TRMT44: variants seen among roughly 807,000 people sequenced by gnomAD.
The protein encoded by TRMT44 is tRNA methyltransferase 44 homolog, also known as probable tRNA (uracil-O(2)-)-methyltransferase.
A neutral mutation model predicts 77.3 loss-of-function variants in TRMT44; 78 were observed. That is an observed-to-expected ratio of 1.01 (90% CI 0.84 to 1.22). TRMT44 has a LOEUF of 1.22. Among genes scored for constraint, TRMT44 ranks in the 50% most tolerant of loss-of-function variants. TRMT44 has a pLI of 0.00. For synonymous variants in TRMT44, 391 were observed against 383.3 expected (o/e 1.02, Z -0.23); for missense variants, 1,090 against 964.4 (o/e 1.13, Z -1.73).
rs1391277656 is a variant in TRMT44, at chr4:8,475,949, G to A, written c.2222G>A (p.Gly741Glu). ...LSTDCCPFAHGPAELRPPRTT... is the reference protein window; with the variant it reads ...LSTDCCPFAHEPAELRPPRTT... ...ACGGACTGCTGCCCGTTTGCCCATG[G>A]GCCTGCGGAGCTGCGGCCACCCCGG... is the stretch of plus-strand genomic sequence containing the variant. Residue 741 changes from glycine (G) to glutamate (E), a missense_variant, in exon 11 of 11, where the codon GGG becomes GAG. Gly to Glu is a moderately conservative substitution (Grantham distance 98). Coordinates refer to ENST00000389737, the MANE Select transcript of TRMT44 (RefSeq NM_152544.3). The A allele has an allele frequency of 2.5e-6, 4 of 1,614,134 alleles. No individual in the cohort carries two copies. In the South Asian group the frequency reaches 3.3e-5, roughly 13 times the overall value.
At chr4:8,467,193 C>T (rs1198313897) in intron 8 of TRMT44, among the ~76,000 whole-genome samples, 3 of 152,218 alleles carry the variant, frequency 2.0e-5, no homozygotes, top group Non-Finnish European at 2.9e-5. Flanking sequence ...AAGGTGGGGA[C>T]AAAGCTGCCT....
rs1488104277 is a variant in TRMT44, at chr4:8,440,810, C to G, written c.-13C>G. 136 of 1,443,794 alleles carry G rather than the reference C, an allele frequency of 9.4e-5. No homozygotes were observed. The highest frequency in any genetic ancestry group is 1.2e-4 in the Non-Finnish European group (130 of 1,101,850). 89.4% of individuals were successfully genotyped at this position (1,443,794 alleles called of 1,614,324 possible). ...GGCGCGCCGCTGCCAGGGCTGTACA[C>G]CTGCTGGCTGCCATGGCTGAGGTGG... On this transcript the variant is annotated 5_prime_UTR_variant, in exon 1 of 11. Transcript: ENST00000389737.
At chr4:8,509,806 C>T in the TRMT44 span, 1 of 152,372 alleles carries the variant, frequency 6.6e-6, no homozygotes, top group African/African-American at 2.4e-5. Flanking sequence ...GGGGGTGAGC[C>T]ATGAGCGAGG....
At chr4:8,468,432 G>A in intron 9 of TRMT44, 86 bp downstream of exon 9, 1 of 1,367,606 alleles carries the variant, frequency 7.3e-7, no homozygotes, top group Non-Finnish European at 1.0e-6. Flanking sequence ...GACATGAAAT[G>A]GTGTGGCCCT....
the TRMT44 span, among the ~76,000 whole-genome samples, chr4:8,512,796 G>A: frequency 3.3e-5 from 5 of 152,134 alleles, no homozygotes; most frequent in African/African-American, 4.8e-5. Context: ...GCTCATCACC[G>A]AGTGTCTATG....
At chr4:8,445,741 C>T (rs919854108) in intron 1 of TRMT44, among the ~76,000 whole-genome samples, 1 of 152,236 alleles carries the variant, frequency 6.6e-6, no homozygotes, top group Non-Finnish European at 1.5e-5. Flanking sequence ...GCCTCTGCTT[C>T]CTTTTGGCAG....
chr4:8,468,874 G>A (rs945826339), intron 9 of TRMT44, among the ~76,000 whole-genome samples: 12 of 152,228 alleles, frequency 7.9e-5, no homozygotes, highest in African/African-American at 2.9e-4. Flanking sequence ...ACGGCATTCA[G>A]AGAGCCAGCC....
At position 8,446,550 on chromosome 4, in the gene TRMT44, A is replaced by G. The variant is rs894228972; in HGVS notation, c.694A>G (p.Asn232Asp). 2 of 1,536,310 alleles carry G rather than the reference A, an allele frequency of 1.3e-6. No individual in the cohort carries two copies. The highest frequency in any genetic ancestry group is 1.7e-6 in the Non-Finnish European group (2 of 1,146,882). Residue 232 changes from asparagine (N) to aspartate (D), a missense_variant, in exon 2 of 11, where the codon AAT becomes GAT. Asn to Asp is a conservative substitution (Grantham distance 23). Transcript: ENST00000389737. This position sits in a 1 kb window ranked among gnomAD's most constrained non-coding sequence, Gnocchi z 4.3. Reference sequence around the variant, plus strand: ...GGGGAACCTAAAGGTTAAGATGAGCAATGTGTATCAAATTCAGCTCAGTCA... The same window carrying G: ...GGGGAACCTAAAGGTTAAGATGAGCGATGTGTATCAAATTCAGCTCAGTCA... ...DEGNLKVKMS[N>D]VYQIQLSHSK... is the part of the protein sequence containing the mutation.
rs916197047 is a variant in TRMT44, at chr4:8,465,618, C to A, written c.1494+57C>A. 4.8e-6 allele frequency: 7 copies of A among 1,465,680 alleles called. No individual in the cohort carries two copies. In the African/African-American group the frequency reaches 9.8e-5, roughly 21 times the overall value. 90.8% of individuals were successfully genotyped at this position (1,465,680 alleles called of 1,614,324 possible). On this transcript the variant is annotated intron_variant, in intron 8 of 10. Coordinates refer to ENST00000389737, the MANE Select transcript of TRMT44 (RefSeq NM_152544.3). ...TGTGTCGGTGTTCAGATGGAGAGCTCAGGGCTCTGCCACAGAGCCATGAAC... is the reference window on the plus strand; with the variant it reads ...TGTGTCGGTGTTCAGATGGAGAGCTAAGGGCTCTGCCACAGAGCCATGAAC...
rs1560219233 is a variant in TRMT44, at chr4:8,446,476, A to G, written c.620A>G (p.Asp207Gly). ...GTCCTTCTTCTCTTTTTCTTTCCAG[A>G]TGTCCTCAATGGAACCATAACGTTT... Reference protein sequence around the residue: ...TTPRREIVVQDVLNGTITFLP... With the variant: ...TTPRREIVVQGVLNGTITFLP... The change falls in exon 2 of 11, where the codon GAT (aspartate) becomes GGT (glycine). Residue 207 changes from aspartate to glycine, a missense_variant and splice_region_variant. Coordinates refer to ENST00000389737, the MANE Select transcript of TRMT44 (RefSeq NM_152544.3). The surrounding 1 kb of genome is among the most constrained non-coding windows in gnomAD (Gnocchi z 4.3). The G allele has an allele frequency of 6.5e-7, 1 of 1,530,210 alleles. No individual in the cohort carries two copies. Among genetic ancestry groups the G allele is most frequent in the Non-Finnish European group, 8.8e-7 (1 of 1,141,624 alleles). 94.8% of individuals were successfully genotyped at this position (1,530,210 alleles called of 1,614,324 possible).
chr4:8,472,292 AGCATTT>A (rs1184983394), intron 10 of TRMT44, among the ~76,000 whole-genome samples: 2 of 152,114 alleles, frequency 1.3e-5, no homozygotes, highest in Non-Finnish European at 2.9e-5. Flanking sequence ...CAGAGCGAAC[AGCATTT>A]GCAAAGAGCC....
At chr4:8,462,829 G>A (rs745504585) in intron 6 of TRMT44, among the ~76,000 whole-genome samples, 1 of 152,164 alleles carries the variant, frequency 6.6e-6, no homozygotes, top group Non-Finnish European at 1.5e-5. Flanking sequence ...TGTCAGTTAT[G>A]CTTTAATTTA....
intron 2 of TRMT44, among the ~76,000 whole-genome samples, chr4:8,484,353 G>A (rs1468326253): frequency 6.6e-6 from 1 of 152,308 alleles, no homozygotes; most frequent in East Asian, 1.9e-4. Flanking sequence ...TACAGCTGAA[G>A]GAGCCGGAGA....
intron 2 of TRMT44, among the ~76,000 whole-genome samples, chr4:8,448,422 C>T (rs1023412258): frequency 9.2e-5 from 14 of 152,256 alleles, no homozygotes; most frequent in South Asian, 2.1e-4. Context: ...TCAATAGAAA[C>T]GGCAGAGTGT....
intron 5 of TRMT44, chr4:8,454,390 A>G (rs890239151): frequency 4.1e-5 from 10 of 245,336 alleles, no homozygotes; most frequent in African/African-American, 2.0e-4. Flanking sequence ...GACACACTTG[A>G]AAAAGGGCAC....
chr4:8,486,028 G>A (rs754851780), intron 2 of TRMT44, among the ~76,000 whole-genome samples: 2 of 152,170 alleles, frequency 1.3e-5, no homozygotes, highest in Non-Finnish European at 2.9e-5. Context: ...AAGGTGATCG[G>A]GCAGCGTCAA....
intron 6 of TRMT44, among the ~76,000 whole-genome samples, chr4:8,463,470 A>G (rs1726299506): frequency 6.6e-6 from 1 of 152,186 alleles, no homozygotes; most frequent in Non-Finnish European, 1.5e-5. Flanking sequence ...GTCTAATGGT[A>G]AAGAATTTCG....
At position 8,441,456 on chromosome 4, in the gene TRMT44, A is replaced by G. The variant is rs1451262575; in HGVS notation, c.619+15A>G. 8 of 1,488,824 alleles carry G rather than the reference A, an allele frequency of 5.4e-6. No homozygotes were observed. In the South Asian group the frequency reaches 7.8e-5, roughly 14 times the overall value. The allele number at this position is 1,488,824 out of a possible 1,614,324, so 92.2% of individuals were successfully genotyped here. A position where few individuals can be genotyped will look rare whatever the true frequency, so the allele number is the denominator to read the frequency against. ...AGTCGTGCAAGGTAAGAGTGTTTTGATAGTGGACGGATATGATTAGATAAA... is the reference window on the plus strand; with the variant it reads ...AGTCGTGCAAGGTAAGAGTGTTTTGGTAGTGGACGGATATGATTAGATAAA... On this transcript the variant is annotated intron_variant, in intron 1 of 10. Coordinates refer to ENST00000389737, the MANE Select transcript of TRMT44 (RefSeq NM_152544.3).
the TRMT44 span, among the ~76,000 whole-genome samples, chr4:8,500,385 A>G: frequency 0.74 from 111,602 of 151,804 alleles, 41,697 homozygotes; most frequent in African/African-American, 0.85. Flanking sequence ...GCAGCTACTC[A>G]GGAGGCTGAG....
Sources: gnomAD v4.1 joint callset for allele counts (sites outside exome capture counted in the v4.1 genomes callset) on GRCh38, gnomAD v4.1.1 for gene constraint, Gnocchi (gnomAD v3.1) non-coding constraint, MANE v1.5 for transcripts, NCBI Gene and HGNC (gene_info 2026-07-23, HGNC 2026-07-21) for gene names.